Variants in GRIK3 observed in about 807,000 individuals in gnomAD.
GRIK3 encodes glutamate receptor ionotropic, kainate 3.
A neutral mutation model predicts 102.5 loss-of-function variants in GRIK3; 29 were observed. The observed-to-expected ratio is 0.28, with a 90% CI of 0.21 to 0.39. The LOEUF is 0.39. GRIK3 is among the 10% of genes least tolerant of loss of function. GRIK3 has a pLI of 1.00. For missense variants in GRIK3, 908 were observed against 1,252.4 expected (o/e 0.73, Z 4.15); for synonymous variants, 511 against 504.9 (o/e 1.01, Z -0.16).
At chr1:36,802,761 C>T (rs189436886) in intron 15 of GRIK3, among the ~76,000 whole-genome samples, 50 of 152,308 alleles carry the variant, frequency 3.3e-4, no homozygotes, top group African/African-American at 1.2e-3. Flanking sequence ...GATATCTCAA[C>T]TTACCTAGTG....
Position 36,927,664 on chromosome 1 carries a change from C to T in GRIK3, c.116-36568G>A, listed in dbSNP as rs141320835. Among the ~76,000 whole-genome samples, 14 of 152,224 alleles carry T rather than the reference C, an allele frequency of 9.2e-5. No homozygotes were observed. In the East Asian group the frequency reaches 1.7e-3, roughly 19 times the overall value. On this transcript the variant is annotated intron_variant, in intron 1 of 15. Coordinates refer to ENST00000373091, the MANE Select transcript of GRIK3 (RefSeq NM_000831.4). ...AAAAGAGGGAAAAGGGAGGCAAGAACGAAGAGGGTCAAAAAGCCTCTGTCG... is the reference window on the plus strand; with the variant it reads ...AAAAGAGGGAAAAGGGAGGCAAGAATGAAGAGGGTCAAAAAGCCTCTGTCG...
intron 13 of GRIK3, among the ~76,000 whole-genome samples, chr1:36,809,223 A>C (rs1472406722): frequency 6.6e-6 from 1 of 151,326 alleles, no homozygotes; most frequent in East Asian, 1.9e-4. Context: ...CATCCATCCA[A>C]CCACTCACCC....
At chr1:36,838,609 C>T (rs1467867555) in intron 10 of GRIK3, among the ~76,000 whole-genome samples, 1 of 152,102 alleles carries the variant, frequency 6.6e-6, no homozygotes, top group East Asian at 1.9e-4. Context: ...CAGAGGCGAG[C>T]AGGGAGTATC....
At chr1:37,026,927 C>T (rs2124086465) in intron 1 of GRIK3, among the ~76,000 whole-genome samples, 1 of 152,094 alleles carries the variant, frequency 6.6e-6, no homozygotes, top group East Asian at 1.9e-4. Flanking sequence ...ATCTTAGAAT[C>T]AATGAAATAT....
At chr1:36,833,210 G>A (rs1244895093) in intron 10 of GRIK3, among the ~76,000 whole-genome samples, 2 of 152,250 alleles carry the variant, frequency 1.3e-5, no homozygotes, top group Admixed American at 6.5e-5. Context: ...GAGCTCTGGC[G>A]TCGGGTCTCC....
intron 1 of GRIK3, among the ~76,000 whole-genome samples, chr1:36,947,114 C>A (rs1641792643): frequency 6.6e-6 from 1 of 152,068 alleles, no homozygotes; most frequent in African/African-American, 2.4e-5. Flanking sequence ...AGGAGAGGGA[C>A]AAGCAGGAGG....
intron 1 of GRIK3, among the ~76,000 whole-genome samples, chr1:36,915,050 C>A (rs1414245970): frequency 1.3e-5 from 2 of 152,198 alleles, no homozygotes; most frequent in African/African-American, 4.8e-5. Context: ...TTCTGAGCGA[C>A]CTTGTCCTTT....
chr1:36,796,681 C>G lies in GRIK3; in HGVS notation c.*5170G>C, dbSNP rs548448399. On this transcript the variant is annotated 3_prime_UTR_variant, in exon 16 of 16. Coordinates refer to ENST00000373091, the MANE Select transcript of GRIK3 (RefSeq NM_000831.4). Reference sequence around the variant, plus strand: ...GGCATTCTCTTTAACAAGTGCTTTCCCTAGTTGTGAGCTGTGTTGTGTGCA... The same window carrying G: ...GGCATTCTCTTTAACAAGTGCTTTCGCTAGTTGTGAGCTGTGTTGTGTGCA... 2 of 152,292 alleles carry G rather than the reference C, an allele frequency of 1.3e-5. No individual in the cohort carries two copies. The highest frequency in any genetic ancestry group is 3.9e-4 in the East Asian group (2 of 5,164). 9.4% of individuals were successfully genotyped at this position (152,292 alleles called of 1,614,324 possible).
intron 1 of GRIK3, among the ~76,000 whole-genome samples, chr1:36,973,508 C>A (rs1197601631): frequency 2.6e-5 from 4 of 151,182 alleles, no homozygotes; most frequent in African/African-American, 9.8e-5. Context: ...CAACCTCCAC[C>A]TCCCGGGTTC....
At chr1:36,856,862 T>C (rs550158717) in intron 7 of GRIK3, among the ~76,000 whole-genome samples, 2 of 152,142 alleles carry the variant, frequency 1.3e-5, no homozygotes, top group African/African-American at 4.8e-5. Flanking sequence ...TGGGTGTCCC[T>C]GAAACAATGT....
intron 11 of GRIK3, among the ~76,000 whole-genome samples, chr1:36,820,886 G>T (rs781423200): frequency 2.0e-5 from 3 of 152,180 alleles, no homozygotes; most frequent in Non-Finnish European, 4.4e-5. Flanking sequence ...GAATTGAAGG[G>T]AGTTTTTGTT....
chr1:36,969,161 G>A (rs1190850931), intron 1 of GRIK3, among the ~76,000 whole-genome samples: 3 of 152,194 alleles, frequency 2.0e-5, no homozygotes, highest in Non-Finnish European at 4.4e-5. Flanking sequence ...ACCATGCCAA[G>A]AGTGTCAACA....
At chr1:36,913,074 TAGACA>T (rs1171813442) in intron 1 of GRIK3, among the ~76,000 whole-genome samples, 1 of 152,172 alleles carries the variant, frequency 6.6e-6, no homozygotes, top group Non-Finnish European at 1.5e-5. Context: ...GGACCTTCAG[TAGACA>T]CCCTGTCCCT....
At chr1:37,011,082 T>C (rs944476102) in intron 1 of GRIK3, among the ~76,000 whole-genome samples, 4 of 152,166 alleles carry the variant, frequency 2.6e-5, no homozygotes, top group African/African-American at 4.8e-5. Flanking sequence ...GTGTCTTCCA[T>C]GTGCTTTCCA....
intron 1 of GRIK3, among the ~76,000 whole-genome samples, chr1:37,031,367 CAA>C (rs565992761): frequency 7.2e-4 from 110 of 152,312 alleles, no homozygotes; most frequent in African/African-American, 2.5e-3. Context: ...GACACAATTA[CAA>C]AAAGACAGAG....
chr1:36,832,608 C>T (rs1179849306), intron 10 of GRIK3, among the ~76,000 whole-genome samples: 1 of 152,238 alleles, frequency 6.6e-6, no homozygotes, highest in Non-Finnish European at 1.5e-5. Context: ...CCTGAGCTGA[C>T]AGCAGCCTCA....
At chr1:37,024,319 G>A (rs146886337) in intron 1 of GRIK3, among the ~76,000 whole-genome samples, 1 of 152,200 alleles carries the variant, frequency 6.6e-6, no homozygotes, top group Non-Finnish European at 1.5e-5. Context: ...GAGTCAGTGG[G>A]CATGGTGATC....
intron 10 of GRIK3, among the ~76,000 whole-genome samples, chr1:36,835,014 A>G (rs1640355962): frequency 6.6e-6 from 1 of 152,232 alleles, no homozygotes; most frequent in Admixed American, 6.5e-5. Flanking sequence ...AAAGCCCTCT[A>G]TCTTTCCCGT....
In GRIK3 at chr1:36,814,522, A is replaced by C. The variant is rs867490349; in HGVS notation, c.2091+2538T>G. On this transcript the variant is annotated intron_variant, in intron 13 of 15. Coordinates refer to ENST00000373091, the MANE Select transcript of GRIK3 (RefSeq NM_000831.4). ...ACACATACATAGACCCCCCCCCCCC[A>C]CACACAGAGACACATATGCATGCAT... Among the ~76,000 whole-genome samples the C allele has an allele frequency of 3.8e-3, 348 of 91,654 alleles. 3 individuals carry two copies. Among genetic ancestry groups the C allele is most frequent in the East Asian group, 0.025 (56 of 2,246 alleles). 60.1% of individuals were successfully genotyped at this position (91,654 alleles called of 152,430 possible). A position where few individuals can be genotyped will look rare whatever the true frequency, so the allele number is the denominator to read the frequency against.
Sources: gnomAD v4.1 joint callset for allele counts (sites outside exome capture counted in the v4.1 genomes callset) on GRCh38, gnomAD v4.1.1 for gene constraint, MANE v1.5 for transcripts, NCBI Gene and HGNC (gene_info 2026-07-23, HGNC 2026-07-21) for gene names.